Variants in SPAG17 observed in about 807,000 individuals in gnomAD.
The protein encoded by SPAG17 is sperm-associated antigen 17.
A neutral mutation model predicts 273.6 loss-of-function variants in SPAG17; 169 were observed. The observed-to-expected ratio is 0.62, with a 90% CI of 0.55 to 0.70. The LOEUF is 0.70. Ranked by LOEUF, SPAG17 falls within the 30% of genes least tolerant of loss-of-function variation. The pLI is 0.00. For missense variants in SPAG17, 2,557 were observed against 2,627.8 expected (o/e 0.97, Z 0.59); for synonymous variants, 825 against 873.2 (o/e 0.94, Z 0.97).
rs762822195 is a variant in SPAG17 at position 117,966,728 on chromosome 1, A to C, written c.6413T>G (p.Leu2138Arg). 13 of 1,612,874 alleles carry C rather than the reference A, an allele frequency of 8.1e-6. No homozygotes were observed. The highest frequency in any genetic ancestry group is 1.1e-5 in the Non-Finnish European group (13 of 1,179,618). Residue 2138 changes from leucine to arginine, a missense_variant, in exon 47 of 49, where the codon CTG becomes CGG. Transcript: ENST00000336338. ...AGCTGTGGCAAATAACTCTATATTCAGTTCTGTCTGCATACCAGCTGCCAC... is the reference window on the plus strand; with the variant it reads ...AGCTGTGGCAAATAACTCTATATTCCGTTCTGTCTGCATACCAGCTGCCAC... ...GPVAAGMQTE[L>R]NIELFATAVG...
At chr1:117,964,687 T>C (rs910282811) in intron 47 of SPAG17, 2 of 152,208 alleles carry the variant, frequency 1.3e-5, no homozygotes, top group Non-Finnish European at 2.9e-5. Context: ...TTACTTTATG[T>C]ATTGTCTGTC....
intron 4 of SPAG17, among the ~76,000 whole-genome samples, chr1:118,105,752 G>A (rs1474297597): frequency 6.6e-6 from 1 of 152,072 alleles, no homozygotes; most frequent in Non-Finnish European, 1.5e-5. Flanking sequence ...GTGATGACAA[G>A]GTTCAAGGGA....
At chr1:117,993,323 T>C (rs1657311553) in intron 35 of SPAG17, among the ~76,000 whole-genome samples, 1 of 152,206 alleles carries the variant, frequency 6.6e-6, no homozygotes, top group South Asian at 2.1e-4. Flanking sequence ...TCCTACCAGA[T>C]GTAGAAGGTC....
rs1353942045 is a variant in SPAG17 at position 118,150,612 on chromosome 1, T to C, written c.246A>G (p.Thr82=). ...TTTTAGATGAAGCAGATCCAACAAGTGTATTTATTTCATTAATCTGTAAGA... is the reference window on the plus strand; with the variant it reads ...TTTTAGATGAAGCAGATCCAACAAGCGTATTTATTTCATTAATCTGTAAGA... ...DILQQINEIN[T]LVGSASSKKA... The change falls in exon 3 of 49, where the codon ACA becomes ACG. Residue 82 remains threonine (T), a synonymous_variant. Coordinates refer to ENST00000336338, the MANE Select transcript of SPAG17 (RefSeq NM_206996.4). The C allele has an allele frequency of 6.4e-7, 1 of 1,551,988 alleles. No homozygotes were observed. The highest frequency in any genetic ancestry group is 2.3e-5 in the East Asian group (1 of 43,764).
At chr1:118,114,590 T>C (rs1656960370) in intron 4 of SPAG17, among the ~76,000 whole-genome samples, 1 of 152,212 alleles carries the variant, frequency 6.6e-6, no homozygotes, top group South Asian at 2.1e-4. Flanking sequence ...TACATATGTA[T>C]ATACTGAAGT....
At chr1:118,085,499 T>A (rs1654916063) in intron 13 of SPAG17, among the ~76,000 whole-genome samples, 1 of 143,228 alleles carries the variant, frequency 7.0e-6, no homozygotes, top group Admixed American at 6.9e-5. Flanking sequence ...TCCTGGAAAT[T>A]ATATGCGTGC....
chr1:118,147,736 A>G (rs952234531), intron 3 of SPAG17, among the ~76,000 whole-genome samples: 23 of 152,218 alleles, frequency 1.5e-4, no homozygotes, highest in Non-Finnish European at 2.9e-4. Context: ...TGTACACAAC[A>G]CCATGCCATC....
intron 7 of SPAG17, among the ~76,000 whole-genome samples, chr1:118,094,600 G>A (rs1195026470): frequency 6.6e-6 from 1 of 152,196 alleles, no homozygotes; most frequent in Admixed American, 6.5e-5. Context: ...TACAGATATA[G>A]CTTAAAGTGT....
chr1:118,053,710 T>G (rs1651326573), intron 20 of SPAG17, among the ~76,000 whole-genome samples: 1 of 151,878 alleles, frequency 6.6e-6, no homozygotes, highest in Non-Finnish European at 1.5e-5. Context: ...ATCAACCCGG[T>G]AGAATCAATA....
chr1:118,170,988 G>A (rs1417272338), intron 1 of SPAG17, among the ~76,000 whole-genome samples: 1 of 152,172 alleles, frequency 6.6e-6, no homozygotes, highest in Admixed American at 6.5e-5. Flanking sequence ...GGTGTGTGCA[G>A]CGTTTAGGAA....
At chr1:118,146,381 T>C (rs1489039630) in intron 3 of SPAG17, among the ~76,000 whole-genome samples, 1 of 152,228 alleles carries the variant, frequency 6.6e-6, no homozygotes, top group Non-Finnish European at 1.5e-5. Context: ...AAAGCATACA[T>C]ACACAGAAAA....
intron 8 of SPAG17, among the ~76,000 whole-genome samples, chr1:118,092,797 C>T (rs1655466129): frequency 1.3e-5 from 2 of 152,222 alleles, no homozygotes; most frequent in Non-Finnish European, 2.9e-5. Context: ...TAAAAGTTAA[C>T]CTCAATGAGG....
chr1:117,976,502 T>C (rs1246613554), intron 43 of SPAG17, among the ~76,000 whole-genome samples: 1 of 152,184 alleles, frequency 6.6e-6, no homozygotes, highest in African/African-American at 2.4e-5. Flanking sequence ...AACCAACAAA[T>C]GTGTCTGTGG....
intron 3 of SPAG17, among the ~76,000 whole-genome samples, chr1:118,140,894 C>T (rs1658644785): frequency 6.6e-6 from 1 of 152,156 alleles, no homozygotes; most frequent in Non-Finnish European, 1.5e-5. Context: ...CAGATGTGGC[C>T]TCTTTGGGCT....
chr1:117,964,080 G>T, intron 47 of SPAG17, 142 bp from the exon 48 acceptor site: 1 of 861,356 alleles, frequency 1.2e-6, no homozygotes, highest in Non-Finnish European at 1.8e-6. Flanking sequence ...TGCAAATTCT[G>T]CATGCTCAGG....
At chr1:117,966,959 A>G (rs1166156070) in intron 46 of SPAG17, among the ~76,000 whole-genome samples, 1 of 152,172 alleles carries the variant, frequency 6.6e-6, no homozygotes, top group Non-Finnish European at 1.5e-5. Context: ...AAGGGGAGCC[A>G]GGGTAAATTG....
At chr1:118,036,610 A>ACG in intron 24 of SPAG17, 160 bp downstream of exon 24, 1 of 581,566 alleles carries the variant, frequency 1.7e-6, no homozygotes, top group Non-Finnish European at 3.1e-6. Context: ...AGACACACAC[A>ACG]CACACACACA....
Position 118,023,391 on chromosome 1 carries a change from C to T in SPAG17, c.3982G>A (p.Ala1328Thr), listed in dbSNP as rs763329274. ...ATCAAATCTCCACTGTGAGGCGTTG[C>T]TGGCATTTCAGAAGGAGGACAAATA... ...GLICPPSEMP[A>T]TPHSGDLMDS... is the part of the protein sequence containing the mutation. The change falls in exon 28 of 49, where the codon GCA becomes ACA. Residue 1328 changes from alanine to threonine, a missense_variant. By Grantham distance (58) the Ala-to-Thr change is moderately conservative. Coordinates refer to ENST00000336338, the MANE Select transcript of SPAG17 (RefSeq NM_206996.4). The T allele has an allele frequency of 1.9e-6, 3 of 1,612,684 alleles. No individual in the cohort carries two copies. In the South Asian group the frequency reaches 3.3e-5, roughly 18 times the overall value.
rs372377034 is a variant in SPAG17 at position 118,000,946 on chromosome 1, T to C, written c.4777-4203A>G. 1.8e-4 allele frequency among the ~76,000 whole-genome samples: 27 copies of C among 152,334 alleles called. No individual in the cohort carries two copies. In the South Asian group the frequency reaches 2.5e-3, roughly 14 times the overall value. On this transcript the variant is annotated intron_variant, in intron 32 of 48. Transcript: ENST00000336338. ...CAGTTTTTGCCCATTCAGTATGATA[T>C]TGGCTGTGGGTTTGTCATAAATAGC...
Sources: allele counts gnomAD v4.1 joint callset (sites outside exome capture counted in the v4.1 genomes callset), GRCh38; gene constraint gnomAD v4.1.1; transcripts MANE v1.5; gene names NCBI Gene and HGNC (gene_info 2026-07-23, HGNC 2026-07-21).